ADCY8: variants seen among roughly 807,000 people sequenced by gnomAD.
ADCY8 encodes the protein adenylate cyclase type 8.
A neutral mutation model predicts 119.7 loss-of-function variants in ADCY8; 51 were observed. That is an observed-to-expected ratio of 0.43 (90% CI 0.34 to 0.54). The LOEUF is 0.54. ADCY8 is among the 20% of genes least tolerant of loss of function. The pLI is 0.03. For synonymous variants in ADCY8, 665 were observed against 651.0 expected (o/e 1.02, Z -0.33); for missense variants, 1,383 against 1,598.8 (o/e 0.87, Z 2.30).
intron 5 of ADCY8, among the ~76,000 whole-genome samples, chr8:130,935,783 A>G (rs1015318556): frequency 1.3e-5 from 2 of 152,134 alleles, no homozygotes; most frequent in Non-Finnish European, 2.9e-5. Flanking sequence ...GACGTTTGCT[A>G]GTTTGTTTCC....
intron 8 of ADCY8, among the ~76,000 whole-genome samples, chr8:130,868,161 T>C (rs943592460): frequency 5.9e-5 from 9 of 152,228 alleles, no homozygotes; most frequent in African/African-American, 2.2e-4. Context: ...ATACTTTGCA[T>C]GAGCTTATCC....
intron 9 of ADCY8, among the ~76,000 whole-genome samples, chr8:130,863,945 A>G (rs1047411782): frequency 6.6e-5 from 10 of 152,262 alleles, no homozygotes; most frequent in Non-Finnish European, 1.2e-4. Flanking sequence ...TGGAGATCCA[A>G]GTTTCTAATC....
intron 1 of ADCY8, among the ~76,000 whole-genome samples, chr8:131,017,414 T>G (rs1563769434): frequency 6.6e-6 from 1 of 152,184 alleles, no homozygotes; most frequent in Non-Finnish European, 1.5e-5. Context: ...CAGTCGGAGC[T>G]AGATGGCTGG....
chr8:130,921,107 A>G (rs1383923039), intron 5 of ADCY8, among the ~76,000 whole-genome samples: 4 of 152,192 alleles, frequency 2.6e-5, no homozygotes, highest in South Asian at 2.1e-4. Context: ...TTGAAATAAC[A>G]TTTTCTTTTC....
chr8:130,784,073 C>A (rs1815173660), intron 16 of ADCY8, among the ~76,000 whole-genome samples: 2 of 152,020 alleles, frequency 1.3e-5, no homozygotes, highest in South Asian at 4.1e-4. Flanking sequence ...GATGTAGCAT[C>A]AATTCCGTAG....
chr8:130,979,044 C>T (rs1822159081), intron 2 of ADCY8, among the ~76,000 whole-genome samples: 1 of 152,056 alleles, frequency 6.6e-6, no homozygotes, highest in South Asian at 2.1e-4. Flanking sequence ...AGACAGTCTA[C>T]CATGGAATAA....
At position 130,903,872 on chromosome 8, in the gene ADCY8, T is replaced by C. The variant is rs1819689770; in HGVS notation, c.1811A>G (p.Glu604Gly). The C allele has an allele frequency of 6.2e-7, 1 of 1,614,064 alleles. No homozygotes were observed. ...TCTCCGGTCTGAGGAGCTCACTGAC[T>C]CCTTGACGATATCTTCAGGCAAGGA... ...LLSLPEDIVK[E>G]SVSSSDRRNS... Residue 604 changes from glutamate (E) to glycine (G), a missense_variant, in exon 7 of 18, where the codon GAG (glutamate) becomes GGG (glycine). Coordinates refer to ENST00000286355, the MANE Select transcript of ADCY8 (RefSeq NM_001115.3).
chr8:130,839,887 C>T (rs1317687046), intron 11 of ADCY8, among the ~76,000 whole-genome samples: 1 of 140,118 alleles, frequency 7.1e-6, no homozygotes, highest in Non-Finnish European at 1.6e-5. Context: ...GTAATGGATT[C>T]ATTAGGTCAG....
Position 130,811,866 on chromosome 8 carries a change from C to A in ADCY8, c.2913+2203G>T, listed in dbSNP as rs1340821199. ...GCCAGTCCATGGTTCTAGACCTTCC[C>A]TTGGGAGTCTCACAGAGTAAGACCA... On this transcript the variant is annotated intron_variant, in intron 14 of 17. Transcript: ENST00000286355. Among the ~76,000 whole-genome samples the A allele has an allele frequency of 3.3e-5, 5 of 152,198 alleles. 1 individual carries two copies. Among genetic ancestry groups the A allele is most frequent in the African/African-American group, 1.2e-4 (5 of 41,456 alleles).
At chr8:130,920,619 G>A (rs1257566517) in intron 5 of ADCY8, among the ~76,000 whole-genome samples, 1 of 152,204 alleles carries the variant, frequency 6.6e-6, no homozygotes, top group Non-Finnish European at 1.5e-5. Context: ...TTTTGCAGAT[G>A]TTATTGCCTA....
chr8:131,032,943 A>G (rs1372426923), intron 1 of ADCY8, among the ~76,000 whole-genome samples: 1 of 152,174 alleles, frequency 6.6e-6, no homozygotes, highest in Admixed American at 6.5e-5. Context: ...GTTCAAACCT[A>G]TGTATCACAG....
intron 10 of ADCY8, 104 bp from the exon 11 acceptor site, chr8:130,847,617 C>T: frequency 2.2e-6 from 2 of 922,760 alleles, no homozygotes. Flanking sequence ...AGTGGCTGGG[C>T]TTCAGCACGA....
Position 130,821,372 on chromosome 8 carries a change from G to A in ADCY8, c.2724C>T (p.Phe908=). ...KEVSLLLMAM[F]LLAVFYHGQQ... is the part of the protein sequence containing the mutation. Reference sequence around the variant, plus strand: ...GTCCATGGTAGAACACAGCCAGGAGGAACATGGCCATCAGTAGCAGTGATA... The same window carrying A: ...GTCCATGGTAGAACACAGCCAGGAGAAACATGGCCATCAGTAGCAGTGATA... The change falls in exon 13 of 18, where the codon TTC becomes TTT. Residue 908 remains phenylalanine, a synonymous_variant. Coordinates refer to ENST00000286355, the MANE Select transcript of ADCY8 (RefSeq NM_001115.3). The A allele has an allele frequency of 6.2e-7, 1 of 1,613,476 alleles. No individual in the cohort carries two copies. The highest frequency in any genetic ancestry group is 8.5e-7 in the Non-Finnish European group (1 of 1,179,528).
intron 14 of ADCY8, among the ~76,000 whole-genome samples, chr8:130,806,807 T>C (rs1216299611): frequency 6.6e-6 from 1 of 152,056 alleles, no homozygotes; most frequent in Non-Finnish European, 1.5e-5. Flanking sequence ...AGGTCACAGA[T>C]GTAACCCATG....
chr8:130,806,719 C>T (rs1313229850), intron 14 of ADCY8, among the ~76,000 whole-genome samples: 1 of 152,216 alleles, frequency 6.6e-6, no homozygotes, highest in Non-Finnish European at 1.5e-5. Flanking sequence ...ATCCTCACCT[C>T]ACATTCCTCA....
chr8:131,024,656 T>A (rs915465602), intron 1 of ADCY8, among the ~76,000 whole-genome samples: 5 of 152,228 alleles, frequency 3.3e-5, no homozygotes, highest in African/African-American at 1.2e-4. Context: ...AAGTACACAA[T>A]TGTTTGTCAA....
chr8:130,829,508 T>A (rs1331787920), intron 12 of ADCY8, among the ~76,000 whole-genome samples: 1 of 152,240 alleles, frequency 6.6e-6, no homozygotes, highest in African/African-American at 2.4e-5. Flanking sequence ...GTATGATAAA[T>A]ACTTGTCCTA....
chr8:130,935,686 C>G (rs772262780), intron 5 of ADCY8: 1 of 152,248 alleles, frequency 6.6e-6, no homozygotes, highest in Non-Finnish European at 1.5e-5. Context: ...TGCTACACAG[C>G]TTTCATTTAG....
chr8:131,030,416 T>A (rs533184541), intron 1 of ADCY8, among the ~76,000 whole-genome samples: 2 of 152,318 alleles, frequency 1.3e-5, no homozygotes, highest in South Asian at 2.1e-4. Context: ...TCTTCTGGAG[T>A]CTGACCTTTC....
Sources: gnomAD v4.1 joint callset for allele counts (sites outside exome capture counted in the v4.1 genomes callset) on GRCh38, gnomAD v4.1.1 for gene constraint, MANE v1.5 for transcripts, NCBI Gene and HGNC (gene_info 2026-07-23, HGNC 2026-07-21) for gene names.